Variants in ABCA5 observed in about 807,000 individuals in gnomAD.
The protein encoded by ABCA5 is cholesterol transporter ABCA5.
A neutral mutation model predicts 206.0 loss-of-function variants in ABCA5; 163 were observed. The ratio of observed to expected loss-of-function variants is 0.79; its 90% CI spans 0.70 to 0.90. The LOEUF (loss-of-function observed/expected upper bound fraction) is 0.90. Ranked by LOEUF, ABCA5 falls within the 40% of genes least tolerant of loss-of-function variation. The pLI is 0.00. For synonymous variants in ABCA5, 609 were observed against 613.8 expected (o/e 0.99, Z 0.11); for missense variants, 1,859 against 1,912.9 (o/e 0.97, Z 0.53).
rs2075176033 is a variant in ABCA5 at position 69,263,713 on chromosome 17, T to TTTTTC, written c.3315+1021_3315+1022insGAAAA. Reference sequence around the variant, plus strand: ...CATGGATTCCTTTTTTTTTTTTTTTTTGATAAAAAGTCTCTCTCTGTTGCC... The same window carrying TTTTTC: ...CATGGATTCCTTTTTTTTTTTTTTTTTTTTCTGATAAAAAGTCTCTCTCTGTTGCC... On this transcript the variant is annotated intron_variant, in intron 24 of 38. Coordinates refer to ENST00000392676, the MANE Select transcript of ABCA5 (RefSeq NM_172232.4). Among the ~76,000 whole-genome samples, 4 of 149,334 alleles carry TTTTTC rather than the reference T, an allele frequency of 2.7e-5. No homozygotes were observed. In the East Asian group the frequency reaches 7.8e-4, roughly 29 times the overall value.
At chr17:69,296,971 CAGAA>C (rs1434213184) in intron 10 of ABCA5, among the ~76,000 whole-genome samples, 3 of 152,052 alleles carry the variant, frequency 2.0e-5, no homozygotes, top group African/African-American at 7.2e-5. Flanking sequence ...TCTCAAAAAA[CAGAA>C]AGAAAGAAAC....
At chr17:69,279,229 C>T (rs1173720753) in intron 18 of ABCA5, among the ~76,000 whole-genome samples, 3 of 152,018 alleles carry the variant, frequency 2.0e-5, no homozygotes, top group Admixed American at 6.6e-5. Context: ...ACAAGCATTC[C>T]TATACACCAA....
chr17:69,309,310 A>C lies in ABCA5; in HGVS notation c.421T>G (p.Phe141Val), dbSNP rs1349722172. The C allele has an allele frequency of 8.1e-6, 13 of 1,600,598 alleles. No individual in the cohort carries two copies. The highest frequency in any genetic ancestry group is 1.0e-5 in the Non-Finnish European group (12 of 1,176,452). Reference sequence around the variant, plus strand: ...GATACTGGAATCATATCAGGAAAAAAACGAAGTTCATAGGACATGGAGTCT... The same window carrying C: ...GATACTGGAATCATATCAGGAAAAACACGAAGTTCATAGGACATGGAGTCT... ...FKDSMSYELRFFPDMIPVSSI... is the reference protein window; with the variant it reads ...FKDSMSYELRVFPDMIPVSSI... The change falls in exon 4 of 39, where the codon TTT becomes GTT. Residue 141 changes from phenylalanine (F) to valine (V), a missense_variant. Physicochemically the swap from Phe to Val is conservative, Grantham distance 50. Coordinates refer to ENST00000392676, the MANE Select transcript of ABCA5 (RefSeq NM_172232.4).
At chr17:69,286,518 A>G (rs1343989892) in intron 15 of ABCA5, among the ~76,000 whole-genome samples, 1 of 152,230 alleles carries the variant, frequency 6.6e-6, no homozygotes, top group Non-Finnish European at 1.5e-5. Flanking sequence ...TTCCTTATAT[A>G]TGTTTCATAC....
intron 27 of ABCA5, among the ~76,000 whole-genome samples, 182 bp downstream of exon 27, chr17:69,260,156 T>C (rs779323155): frequency 3.9e-5 from 6 of 151,904 alleles, no homozygotes; most frequent in Non-Finnish European, 7.4e-5. Flanking sequence ...AAAGTGAACA[T>C]ATTCAGTAAA....
At chr17:69,297,481 T>C (rs1400115146) in intron 9 of ABCA5, 122 bp from the exon 10 acceptor site, 1 of 778,078 alleles carries the variant, frequency 1.3e-6, no homozygotes, top group Non-Finnish European at 2.0e-6. Flanking sequence ...CATATATATA[T>C]TTCCAAACAT....
intron 7 of ABCA5, chr17:69,304,465 A>C (rs950138328): frequency 1.3e-4 from 54 of 409,728 alleles, no homozygotes; most frequent in Non-Finnish European, 2.1e-4. Context: ...CAAAAGCTAA[A>C]TCTAAATCTA....
chr17:69,314,697 G>A (rs1179388331), intron 1 of ABCA5: 6 of 285,782 alleles, frequency 2.1e-5, no homozygotes, highest in Admixed American at 2.1e-4. Flanking sequence ...GGTATCTCCC[G>A]AACCGCCCAC....
rs1172694873 is a variant in ABCA5 at position 69,247,381 on chromosome 17, AAC to A, written c.*154_*155del. The A allele has an allele frequency of 1.1e-5, 6 of 559,356 alleles. No homozygotes were observed. The Admixed American group carries it at 2.2e-4, about 21-fold the overall frequency. 34.6% of individuals were successfully genotyped at this position (559,356 alleles called of 1,614,324 possible). A position where few individuals can be genotyped will look rare whatever the true frequency, so the allele number is the denominator to read the frequency against. On this transcript the variant is annotated 3_prime_UTR_variant, in exon 39 of 39. Transcript: ENST00000392676. The stretch of plus-strand genomic sequence containing the variant: ...ATACGTTTTATTTAAAGAAAAGCAA[AAC>A]ACACAACCACAGCATTTCAATTAAG...
rs375630767 is a variant in ABCA5 at position 69,314,315 on chromosome 17, T to C, written c.101A>G (p.Gln34Arg). The change falls in exon 2 of 39, where the codon CAG becomes CGG. Residue 34 changes from glutamine (Q) to arginine (R), a missense_variant and splice_region_variant. Physicochemically the swap from Gln to Arg is conservative, Grantham distance 43. Transcript: ENST00000392676. ...ATAAGAAAGAGTTATTTAACTTACCTGAACACTACTCTTTTTGGTTCTGCA... is the reference window on the plus strand; with the variant it reads ...ATAAGAAAGAGTTATTTAACTTACCCGAACACTACTCTTTTTGGTTCTGCA... ...IKCRTKKSSV[Q>R]EILFPLFFLF... 5 of 1,605,706 alleles carry C rather than the reference T, an allele frequency of 3.1e-6. No individual in the cohort carries two copies. Among genetic ancestry groups the C allele is most frequent in the Non-Finnish European group, 1.7e-6 (2 of 1,173,054 alleles).
chr17:69,264,752 C>G lies in ABCA5; in HGVS notation c.3298G>C (p.Val1100Leu). 6.4e-7 allele frequency: 1 copy of G among 1,561,956 alleles called. No homozygotes were observed. The highest frequency in any genetic ancestry group is 8.6e-7 in the Non-Finnish European group (1 of 1,157,622). ...AFHYGLYFYTVKFLAVVFCLI... is the reference protein window; with the variant it reads ...AFHYGLYFYTLKFLAVVFCLI... ...TAACTTACCACAGCAAGGAACTTTACAGTATAAAAATATAATCCATAATGA... is the reference window on the plus strand; with the variant it reads ...TAACTTACCACAGCAAGGAACTTTAGAGTATAAAAATATAATCCATAATGA... The change falls in exon 24 of 39, where the codon GTA (valine) becomes CTA (leucine). Residue 1100 changes from valine to leucine, a missense_variant. Coordinates refer to ENST00000392676, the MANE Select transcript of ABCA5 (RefSeq NM_172232.4).
At chr17:69,277,361 A>G (rs1425701046) in intron 19 of ABCA5, among the ~76,000 whole-genome samples, 1 of 152,206 alleles carries the variant, frequency 6.6e-6, no homozygotes, top group East Asian at 1.9e-4. Context: ...AGAAAGAAAA[A>G]GATACAATGA....
Position 69,309,407 on chromosome 17 carries a change from T to C in ABCA5, c.324A>G (p.Glu108=). ...TTAACATTTCTTTTTCATTTGTATA[T>C]TCTTCAGTAATTATGACTGTAAGAT... The part of the protein sequence containing the change: ...DHLPDVIITE[E]YTNEKEMLTS... Residue 108 remains glutamate (E), a synonymous_variant, in exon 4 of 39, where the codon GAA becomes GAG. Transcript: ENST00000392676. The C allele has an allele frequency of 6.3e-7, 1 of 1,577,208 alleles. No homozygotes were observed.
At chr17:69,322,053 T>C (rs1411753793) in intron 1 of ABCA5, among the ~76,000 whole-genome samples, 3 of 152,072 alleles carry the variant, frequency 2.0e-5, no homozygotes, top group African/African-American at 4.8e-5. Flanking sequence ...ATATCAAAAA[T>C]TCACTTCTTA....
At chr17:69,277,495 C>T in intron 19 of ABCA5, 146 bp downstream of exon 19, 1 of 589,568 alleles carries the variant, frequency 1.7e-6, no homozygotes, top group Non-Finnish European at 2.7e-6. Flanking sequence ...TAATTTTTTT[C>T]TCTAACATTG....
chr17:69,256,027 A>AT (rs889150755), intron 29 of ABCA5, 130 bp downstream of exon 29: 6 of 1,288,032 alleles, frequency 4.7e-6, no homozygotes, highest in Non-Finnish European at 6.3e-6. Flanking sequence ...TAAACGAAGT[A>AT]TTTTTTTCCA....
chr17:69,252,491 A>G (rs1014309304), intron 34 of ABCA5, among the ~76,000 whole-genome samples: 1 of 152,180 alleles, frequency 6.6e-6, no homozygotes, highest in African/African-American at 2.4e-5. Context: ...AAACCGTAAC[A>G]TGCATCCAAA....
In ABCA5 at chr17:69,271,284, C is replaced by G. The variant is rs1266316121; in HGVS notation, c.2770G>C (p.Asp924His). Residue 924 changes from aspartate (D) to histidine (H), a missense_variant, in exon 21 of 39, where the codon GAT becomes CAT. Coordinates refer to ENST00000392676, the MANE Select transcript of ABCA5 (RefSeq NM_172232.4). ...SLLLQNSADS[D>H]ISDLISFFTS... ...AAAAAGCTAATAAGATCACTGATAT[C>G]TGAGTCTGGTGTTAGAAAATAAGCA... 2 of 1,609,470 alleles carry G rather than the reference C, an allele frequency of 1.2e-6. No homozygotes were observed. The highest frequency in any genetic ancestry group is 1.7e-5 in the Admixed American group (1 of 58,892).
At chr17:69,294,629 G>A in intron 11 of ABCA5, 26 bp downstream of exon 11, 1 of 1,574,244 alleles carries the variant, frequency 6.4e-7, no homozygotes, top group Non-Finnish European at 8.7e-7. Context: ...AAATACTATG[G>A]CCTGAATACT....
Sources: allele counts gnomAD v4.1 joint callset (sites outside exome capture counted in the v4.1 genomes callset), GRCh38; gene constraint gnomAD v4.1.1; transcripts MANE v1.5; gene names NCBI Gene and HGNC (gene_info 2026-07-23, HGNC 2026-07-21).